Variants in SLC17A9 observed in about 807,000 individuals in gnomAD.
The protein encoded by SLC17A9 is voltage-gated purine nucleotide uniporter SLC17A9.
In SLC17A9, 49 loss-of-function variants were observed where a neutral mutation model predicts 55.0. That is an observed-to-expected ratio of 0.89 (90% CI 0.71 to 1.13). SLC17A9 has a LOEUF of 1.13. SLC17A9 is among the 50% of genes most tolerant of loss of function. The pLI, the probability that SLC17A9 is intolerant of heterozygous loss-of-function variation, is 0.00. For synonymous variants in SLC17A9, 256 were observed against 247.4 expected (o/e 1.03, Z -0.32); for missense variants, 526 against 569.3 (o/e 0.92, Z 0.77).
intron 7 of SLC17A9, 166 bp from the exon 8 acceptor site, chr20:62,964,061 TG>T: frequency 1.4e-6 from 1 of 714,154 alleles, no homozygotes; most frequent in Non-Finnish European, 2.4e-6. Context: ...CTTGCTGCCC[TG>T]CCGGGTGGTG....
chr20:62,967,050 C>T lies in SLC17A9; in HGVS notation c.1148-287C>T. The T allele has an allele frequency of 1.0e-5, 6 of 576,844 alleles. No individual in the cohort carries two copies. In the South Asian group the frequency reaches 1.4e-4, roughly 13 times the overall value. The allele number at this position is 576,844 out of a possible 1,614,324, so 35.7% of individuals were successfully genotyped here. ...TGATGGGGGTCCTTCTTCAGCTCAG[C>T]CTCGCCTGGGCCGGCCTGTGGCTCC... On this transcript the variant is annotated intron_variant, in intron 12 of 12. Coordinates refer to ENST00000370351, the MANE Select transcript of SLC17A9 (RefSeq NM_022082.4).
chr20:62,966,984 G>T lies in SLC17A9; in HGVS notation c.1147+252G>T, dbSNP rs561793602. 587 of 585,672 alleles carry T rather than the reference G, an allele frequency of 1.0e-3. 9 individuals are homozygous for T. In the South Asian group the frequency reaches 0.013, roughly 13 times the overall value. The allele number at this position is 585,672 out of a possible 1,614,324, so 36.3% of individuals were successfully genotyped here. ...GATATGTTCCCATCCTGGTAGCCCA[G>T]GGTCCCCGGGACACCTCCTGGCCCC... is the stretch of plus-strand genomic sequence containing the variant. On this transcript the variant is annotated intron_variant, in intron 12 of 12. Transcript: ENST00000370351.
At chr20:62,954,954 C>T (rs2065523656) in intron 1 of SLC17A9, among the ~76,000 whole-genome samples, 1 of 152,180 alleles carries the variant, frequency 6.6e-6, no homozygotes, top group Admixed American at 6.5e-5. Context: ...GACACAGGTC[C>T]CCCACCTCCC....
chr20:62,958,648 G>A lies in SLC17A9; in HGVS notation c.397+1068G>A, dbSNP rs775365292. ...CCTGAGCCGGCATCAGGTTCAGAGC[G>A]CTGGCCATGGCTCCCCTAGAACCTC... On this transcript the variant is annotated intron_variant, in intron 3 of 12. Transcript: ENST00000370351. The surrounding 1 kb of genome is among the most constrained non-coding windows in gnomAD (Gnocchi z 4.1). Among the ~76,000 whole-genome samples the A allele has an allele frequency of 3.9e-5, 6 of 152,056 alleles. No homozygotes were observed. The highest frequency in any genetic ancestry group is 1.2e-4 in the African/African-American group (5 of 41,396).
chr20:62,965,662 C>G lies in SLC17A9; in HGVS notation c.998C>G (p.Ser333Cys), dbSNP rs767367242. Reference protein sequence around the residue: ...SVFALCLGHTSSFCESVVFAS... With the variant: ...SVFALCLGHTCSFCESVVFAS... The stretch of plus-strand genomic sequence containing the variant: ...TTTGCTCTGTGCCTGGGCCACACCT[C>G]CAGCTTCTGTGAGTCTGTGGTCTTT... Residue 333 changes from serine (S) to cysteine (C), a missense_variant, in exon 10 of 13, where the codon TCC becomes TGC. Ser to Cys is a moderately radical substitution (Grantham distance 112, BLOSUM62 -1). Transcript: ENST00000370351. The G allele has an allele frequency of 1.9e-6, 3 of 1,613,894 alleles. No homozygotes were observed. Among genetic ancestry groups the G allele is most frequent in the Non-Finnish European group, 2.5e-6 (3 of 1,180,042 alleles).
At position 62,963,281 on chromosome 20, in the gene SLC17A9, CTGGCCT is replaced by C. The variant is rs754727956; in HGVS notation, c.641_646del (p.Ala214_Leu215del). 11 of 1,613,706 alleles carry C rather than the reference CTGGCCT, an allele frequency of 6.8e-6. No individual in the cohort carries two copies. Among genetic ancestry groups the C allele is most frequent in the Non-Finnish European group, 9.3e-6 (11 of 1,180,030 alleles). ...AACCGTTGCTCCCTCAGATCTCATC[CTGGCCT>C]TGGGTGTCCTGGCCCAAAGCCGGCC... On this transcript the variant is annotated inframe_deletion, in exon 6 of 13. Coordinates refer to ENST00000370351, the MANE Select transcript of SLC17A9 (RefSeq NM_022082.4).
Position 62,958,113 on chromosome 20 carries a change from G to T in SLC17A9, c.397+533G>T, listed in dbSNP as rs765774606. Among the ~76,000 whole-genome samples the T allele has an allele frequency of 2.6e-5, 4 of 152,178 alleles. No individual in the cohort carries two copies. The highest frequency in any genetic ancestry group is 9.7e-5 in the African/African-American group (4 of 41,436). ...CGTTCCTGTATCCATGTGTATGTGCGTATGCGTGCCCATATGCGTGTGTAC... is the reference window on the plus strand; with the variant it reads ...CGTTCCTGTATCCATGTGTATGTGCTTATGCGTGCCCATATGCGTGTGTAC... On this transcript the variant is annotated intron_variant, in intron 3 of 12. Coordinates refer to ENST00000370351, the MANE Select transcript of SLC17A9 (RefSeq NM_022082.4). The surrounding 1 kb of genome is among the most constrained non-coding windows in gnomAD (Gnocchi z 4.1).
At chr20:62,965,274 A>C in intron 9 of SLC17A9, 108 bp downstream of exon 9, 1 of 1,427,822 alleles carries the variant, frequency 7.0e-7, no homozygotes. Context: ...GGACCAGGCA[A>C]ATGCCAGGCC....
Position 62,967,652 on chromosome 20 carries a change from C to A in SLC17A9, c.*152C>A. 1 of 272,696 alleles carries A rather than the reference C, an allele frequency of 3.7e-6. No homozygotes were observed. Among genetic ancestry groups the A allele is most frequent in the Non-Finnish European group, 6.9e-6 (1 of 144,418 alleles). The allele number at this position is 272,696 out of a possible 1,614,324, so 16.9% of individuals were successfully genotyped here. ...AGCCTGAAGCTCCTTAAGAAGAGTC[C>A]ACAACAGCTGGTGGGAGGGTGGGGT... On this transcript the variant is annotated 3_prime_UTR_variant, in exon 13 of 13. Coordinates refer to ENST00000370351, the MANE Select transcript of SLC17A9 (RefSeq NM_022082.4).
chr20:62,957,552 C>T lies in SLC17A9; in HGVS notation c.369C>T (p.Phe123=), dbSNP rs1447739149. ...LSSAHLAFMT[F]SRILMGLLQG... ...GTGCCCACCTGGCCTTCATGACCTT[C>T]TCACGCATCCTCATGGGCTTGCTCC... The change falls in exon 3 of 13, where the codon TTC becomes TTT. Residue 123 remains phenylalanine (F), a synonymous_variant. Transcript: ENST00000370351. 3.1e-6 allele frequency: 5 copies of T among 1,587,788 alleles called. No homozygotes were observed. The highest frequency in any genetic ancestry group is 3.7e-5 in the Admixed American group (2 of 54,440).
In SLC17A9 at chr20:62,962,846, G is replaced by C; in HGVS notation, c.628+92G>C. 6.5e-7 allele frequency: 1 copy of C among 1,532,394 alleles called. No individual in the cohort carries two copies. The highest frequency in any genetic ancestry group is 8.8e-7 in the Non-Finnish European group (1 of 1,135,908). 94.9% of individuals were successfully genotyped at this position (1,532,394 alleles called of 1,614,324 possible). A position where few individuals can be genotyped will look rare whatever the true frequency, so the allele number is the denominator to read the frequency against. ...AGCCGCTGAGCAGCCTGGAGCAGGA[G>C]CCCGGAGACGATGGCTTTGACCTCC... On this transcript the variant is annotated intron_variant, in intron 5 of 12. Coordinates refer to ENST00000370351, the MANE Select transcript of SLC17A9 (RefSeq NM_022082.4). The surrounding 1 kb of genome is among the most constrained non-coding windows in gnomAD (Gnocchi z 5.5).
At chr20:62,961,416 T>G (rs1181882867) in intron 4 of SLC17A9, among the ~76,000 whole-genome samples, 4 of 152,128 alleles carry the variant, frequency 2.6e-5, no homozygotes, top group Admixed American at 2.0e-4. Context: ...CCCGTGCCCC[T>G]CAGTCCTCCC....
rs2065566034 is a variant in SLC17A9 at position 62,958,998 on chromosome 20, C to G, written c.397+1418C>G. 6.6e-6 allele frequency among the ~76,000 whole-genome samples: 1 copy of G among 152,184 alleles called. No homozygotes were observed. The highest frequency in any genetic ancestry group is 2.4e-5 in the African/African-American group (1 of 41,434). On this transcript the variant is annotated intron_variant, in intron 3 of 12. Coordinates refer to ENST00000370351, the MANE Select transcript of SLC17A9 (RefSeq NM_022082.4). This position sits in a 1 kb window ranked among gnomAD's most constrained non-coding sequence, Gnocchi z 4.1. Reference sequence around the variant, plus strand: ...GCATCACCGCCTCCCCAGGCACTGCCCAGGTCCCACTGCAGGAGCTGGAGG... The same window carrying G: ...GCATCACCGCCTCCCCAGGCACTGCGCAGGTCCCACTGCAGGAGCTGGAGG...
intron 5 of SLC17A9, chr20:62,963,057 C>T (rs2065602751): frequency 4.7e-6 from 3 of 639,214 alleles, no homozygotes; most frequent in South Asian, 3.8e-5. Context: ...TGGAGGAGGC[C>T]GTGTGGAGGG....
intron 1 of SLC17A9, chr20:62,953,144 A>G: frequency 6.6e-7 from 1 of 1,518,590 alleles, no homozygotes; most frequent in Non-Finnish European, 8.9e-7. Flanking sequence ...GGGCTCTTCC[A>G]GGCAGGGCTA....
rs543504087 is a variant in SLC17A9, at chr20:62,957,842, T to G, written c.397+262T>G. Among the ~76,000 whole-genome samples, 12 of 130,586 alleles carry G rather than the reference T, an allele frequency of 9.2e-5. No homozygotes were observed. The South Asian group carries it at 1.7e-3, about 19-fold the overall frequency. The allele number at this position is 130,586 out of a possible 152,430, so 85.7% of individuals were successfully genotyped here. A position where few individuals can be genotyped will look rare whatever the true frequency, so the allele number is the denominator to read the frequency against. On this transcript the variant is annotated intron_variant, in intron 3 of 12. Coordinates refer to ENST00000370351, the MANE Select transcript of SLC17A9 (RefSeq NM_022082.4). Reference sequence around the variant, plus strand: ...GTATGGGCATGCCCGCGTGCATGCGTGCACCTGTGCGTGTGCGTGTGCAAG... The same window carrying G: ...GTATGGGCATGCCCGCGTGCATGCGGGCACCTGTGCGTGTGCGTGTGCAAG...
intron 2 of SLC17A9, 44 bp downstream of exon 2, chr20:62,957,006 C>A: frequency 6.2e-7 from 1 of 1,610,370 alleles, no homozygotes. Flanking sequence ...GGGGGCCGCC[C>A]CACTGGGGCC....
In SLC17A9 at chr20:62,965,587, G is replaced by A. The variant is rs537345972; in HGVS notation, c.946-23G>A. Reference sequence around the variant, plus strand: ...CTGCAGGCGGGCTGGGTGCCTCTCCGTCACGGTGGCGCTTTCCTGCAGGGC... The same window carrying A: ...CTGCAGGCGGGCTGGGTGCCTCTCCATCACGGTGGCGCTTTCCTGCAGGGC... On this transcript the variant is annotated intron_variant, in intron 9 of 12. Transcript: ENST00000370351. 57 of 1,606,356 alleles carry A rather than the reference G, an allele frequency of 3.5e-5. No homozygotes were observed. In the East Asian group the frequency reaches 4.0e-4, roughly 11 times the overall value.
chr20:62,964,092 C>G, intron 7 of SLC17A9, 136 bp from the exon 8 acceptor site: 1 of 851,558 alleles, frequency 1.2e-6, no homozygotes. Context: ...TGCACATTCC[C>G]AGGAGCAGGG....
Sources: gnomAD v4.1 joint callset for allele counts (sites outside exome capture counted in the v4.1 genomes callset) on GRCh38, gnomAD v4.1.1 for gene constraint, Gnocchi (gnomAD v3.1) non-coding constraint, MANE v1.5 for transcripts, NCBI Gene and HGNC (gene_info 2026-07-23, HGNC 2026-07-21) for gene names.